The following ADCY8 variants were observed in gnomAD, a reference collection of about 807,000 sequenced individuals.
ADCY8 encodes the protein adenylate cyclase 8.
A neutral mutation model predicts 119.7 loss-of-function variants in ADCY8; 51 were observed. That is an observed-to-expected ratio of 0.43 (90% CI 0.34 to 0.54). The LOEUF (loss-of-function observed/expected upper bound fraction) is 0.54. Among genes scored for constraint, ADCY8 ranks in the 20% least tolerant of loss-of-function variants. The pLI is 0.03. For missense variants in ADCY8, 1,383 were observed against 1,598.8 expected, an observed-to-expected ratio of 0.87 and a Z score of 2.30; for synonymous variants, 665 against 651.0, an observed-to-expected ratio of 1.02 and a Z score of -0.33.
chr8:131,027,852 C>A (rs1823868835), intron 1 of ADCY8, among the ~76,000 whole-genome samples: 1 of 152,150 alleles, frequency 6.6e-6, no homozygotes, highest in Admixed American at 6.5e-5. Context: ...GGAGCCCCAA[C>A]ATTGAAGAGG....
At chr8:130,934,154 A>C (rs1308604731) in intron 5 of ADCY8, among the ~76,000 whole-genome samples, 2 of 152,182 alleles carry the variant, frequency 1.3e-5, no homozygotes, top group African/African-American at 4.8e-5. Context: ...TTAGTTGTAG[A>C]GATCTCTGAT....
chr8:130,895,822 A>T lies in ADCY8; in HGVS notation c.1911+7950T>A, dbSNP rs1819367447. ...ACCTGTGGGGAAAAATATGCCTGTGATTCTCTGCATATTTATATTGAATAT... is the reference window on the plus strand; with the variant it reads ...ACCTGTGGGGAAAAATATGCCTGTGTTTCTCTGCATATTTATATTGAATAT... On this transcript the variant is annotated intron_variant, in intron 7 of 17. Transcript: ENST00000286355. 2.6e-5 allele frequency among the ~76,000 whole-genome samples: 4 copies of T among 152,162 alleles called. 1 individual carries two copies. The South Asian group carries it at 8.3e-4, about 31-fold the overall frequency.
At position 131,040,558 on chromosome 8, in the gene ADCY8, T is replaced by A; in HGVS notation, c.-225A>T. On this transcript the variant is annotated 5_prime_UTR_variant, in exon 1 of 18. Transcript: ENST00000286355. Reference sequence around the variant, plus strand: ...CGCGGCGGACCTCGGCGTCCTTGCGTGCTGCTCTCCCGCCAGCCGGCGCAG... The same window carrying A: ...CGCGGCGGACCTCGGCGTCCTTGCGAGCTGCTCTCCCGCCAGCCGGCGCAG... The A allele has an allele frequency of 7.1e-6, 3 of 423,168 alleles. No individual in the cohort carries two copies. Among genetic ancestry groups the A allele is most frequent in the Non-Finnish European group, 1.2e-5 (3 of 250,242 alleles). The allele number at this position is 423,168 out of a possible 1,614,324, so 26.2% of individuals were successfully genotyped here.
chr8:130,862,754 G>A (rs150910125), intron 9 of ADCY8, among the ~76,000 whole-genome samples: 1 of 152,322 alleles, frequency 6.6e-6, no homozygotes, highest in East Asian at 1.9e-4. Context: ...TCACTCACGT[G>A]TGATTGAAGA....
chr8:130,836,124 G>A (rs945587780), intron 12 of ADCY8, among the ~76,000 whole-genome samples, 153 bp downstream of exon 12: 3 of 152,118 alleles, frequency 2.0e-5, no homozygotes, highest in South Asian at 4.1e-4. Flanking sequence ...ATTTTTGCTT[G>A]GACTTGTAAA....
chr8:130,991,958 A>C (rs1202262068), intron 1 of ADCY8, among the ~76,000 whole-genome samples: 5 of 152,010 alleles, frequency 3.3e-5, no homozygotes, highest in African/African-American at 4.8e-5. Context: ...AACCAACTGG[A>C]TATTAACAGC....
At chr8:130,870,567 A>T (rs1818317806) in intron 8 of ADCY8, among the ~76,000 whole-genome samples, 1 of 152,126 alleles carries the variant, frequency 6.6e-6, no homozygotes, top group South Asian at 2.1e-4. Flanking sequence ...AACACCCTCA[A>T]GTTGAACACT....
chr8:130,996,203 A>G (rs1822768889), intron 1 of ADCY8, among the ~76,000 whole-genome samples: 1 of 152,156 alleles, frequency 6.6e-6, no homozygotes, highest in Admixed American at 6.6e-5. Flanking sequence ...ATTTCTGTTA[A>G]AAATGCTATT....
rs530561954 is a variant in ADCY8 at position 130,847,626 on chromosome 8, G to A, written c.2413-113C>T. The stretch of plus-strand genomic sequence containing the variant: ...GCTATCAGTGGCTGGGCTTCAGCAC[G>A]AGCCTGGGTAGACTGAACCCTAGAG... On this transcript the variant is annotated intron_variant, in intron 10 of 17. Coordinates refer to ENST00000286355, the MANE Select transcript of ADCY8 (RefSeq NM_001115.3). 317 of 823,740 alleles carry A rather than the reference G, an allele frequency of 3.8e-4. 1 individual carries two copies. Among genetic ancestry groups the A allele is most frequent in the Non-Finnish European group, 1.6e-4 (83 of 516,526 alleles). The allele number at this position is 823,740 out of a possible 1,614,324, so 51.0% of individuals were successfully genotyped here. A position where few individuals can be genotyped will look rare whatever the true frequency, so the allele number is the denominator to read the frequency against.
chr8:130,971,902 A>G (rs1325965396), intron 2 of ADCY8, among the ~76,000 whole-genome samples: 1 of 152,250 alleles, frequency 6.6e-6, no homozygotes, highest in Non-Finnish European at 1.5e-5. Context: ...AAGCTGGGGA[A>G]TATCAACTTC....
intron 9 of ADCY8, among the ~76,000 whole-genome samples, chr8:130,854,519 G>T (rs1817642582): frequency 6.6e-6 from 1 of 152,188 alleles, no homozygotes; most frequent in South Asian, 2.1e-4. Context: ...CAACACTTTA[G>T]AATCTACAGA....
intron 1 of ADCY8, among the ~76,000 whole-genome samples, chr8:131,014,061 A>G (rs1037647375): frequency 1.3e-5 from 2 of 152,188 alleles, no homozygotes; most frequent in African/African-American, 4.8e-5. Context: ...TCTCAACTGT[A>G]TTATTTTACA....
At chr8:130,846,148 A>T (rs1199318059) in intron 11 of ADCY8, among the ~76,000 whole-genome samples, 1 of 152,080 alleles carries the variant, frequency 6.6e-6, no homozygotes, top group African/African-American at 2.4e-5. Context: ...CTCCATTCAT[A>T]TGTTGGAGGG....
At chr8:130,973,279 A>G (rs1247425290) in intron 2 of ADCY8, among the ~76,000 whole-genome samples, 1 of 152,256 alleles carries the variant, frequency 6.6e-6, no homozygotes, top group African/African-American at 2.4e-5. Flanking sequence ...AATGCCTTAC[A>G]TGTTGATTCT....
At chr8:130,874,645 G>T (rs564488781) in intron 8 of ADCY8, among the ~76,000 whole-genome samples, 2 of 152,230 alleles carry the variant, frequency 1.3e-5, no homozygotes, top group East Asian at 3.9e-4. Flanking sequence ...TGCAAGGCTG[G>T]GAGGACACCT....
intron 1 of ADCY8, among the ~76,000 whole-genome samples, chr8:131,015,239 A>G (rs1410285463): frequency 6.6e-6 from 1 of 152,194 alleles, no homozygotes; most frequent in Non-Finnish European, 1.5e-5. Context: ...TAAACAAAGA[A>G]AAAATAACAT....
At chr8:130,908,695 T>C (rs1409139039) in intron 6 of ADCY8, among the ~76,000 whole-genome samples, 1 of 152,104 alleles carries the variant, frequency 6.6e-6, no homozygotes, top group Non-Finnish European at 1.5e-5. Flanking sequence ...ACTCAGAAGT[T>C]AAGCACTGGC....
chr8:130,838,597 G>A lies in ADCY8; in HGVS notation c.2503-2148C>T, dbSNP rs1403239358. ...ATTGTTGCCTGTATCACAACAAGGG[G>A]CGGTGCATGGCTTTTTGCAAATTAT... On this transcript the variant is annotated intron_variant, in intron 11 of 17. Coordinates refer to ENST00000286355, the MANE Select transcript of ADCY8 (RefSeq NM_001115.3). 4.7e-4 allele frequency among the ~76,000 whole-genome samples: 49 copies of A among 104,354 alleles called. 6 individuals are homozygous for A. Among genetic ancestry groups the A allele is most frequent in the Non-Finnish European group, 4.9e-5 (2 of 40,444 alleles). The allele number at this position is 104,354 out of a possible 152,430, so 68.5% of individuals were successfully genotyped here.
At chr8:130,803,210 C>G (rs1207574228) in intron 14 of ADCY8, among the ~76,000 whole-genome samples, 1 of 152,194 alleles carries the variant, frequency 6.6e-6, no homozygotes, top group African/African-American at 2.4e-5. Context: ...TCTTCCTTCC[C>G]TGCAGTTAGC....
Sources: gnomAD v4.1 joint callset for allele counts (sites outside exome capture counted in the v4.1 genomes callset) on GRCh38, gnomAD v4.1.1 for gene constraint, MANE v1.5 for transcripts, NCBI Gene and HGNC (gene_info 2026-07-23, HGNC 2026-07-21) for gene names.